The following PCDHGA6 variants were observed in gnomAD, a reference collection of about 807,000 sequenced individuals.
The protein encoded by PCDHGA6 is protocadherin gamma subfamily A, 6, also known as protocadherin gamma-A6.
A neutral mutation model predicts 60.6 loss-of-function variants in PCDHGA6; 41 were observed. That is an observed-to-expected ratio of 0.68 (90% CI 0.53 to 0.88). The LOEUF (loss-of-function observed/expected upper bound fraction) is 0.88. Ranked by LOEUF, PCDHGA6 falls within the 40% of genes least tolerant of loss-of-function variation. The pLI, the probability that PCDHGA6 is intolerant of heterozygous loss-of-function variation, is 0.00. For missense variants in PCDHGA6, 1,312 were observed against 1,203.0 expected (o/e 1.09, Z -1.34); for synonymous variants, 594 against 524.4 (o/e 1.13, Z -1.81).
At chr5:141,389,997 A>T (rs1278035747) in intron 1 of PCDHGA6, 1 of 1,613,962 alleles carries the variant, frequency 6.2e-7, no homozygotes, top group Non-Finnish European at 8.5e-7. Flanking sequence ...CCTCGTGGCC[A>T]TGATTCTGGC....
chr5:141,418,157 A>G, intron 1 of PCDHGA6: 1 of 1,614,074 alleles, frequency 6.2e-7, no homozygotes, highest in Non-Finnish European at 8.5e-7. Context: ...CAAAGAGAGA[A>G]GAAGATGTGA....
In PCDHGA6 at chr5:141,431,463, C is replaced by T. The variant is rs139195027; in HGVS notation, c.2424+54956C>T. Reference sequence around the variant, plus strand: ...CGCATCCGCGTGATGGTTCTGGATGCGAACGACAACGCACCAGCGTTTGCT... The same window carrying T: ...CGCATCCGCGTGATGGTTCTGGATGTGAACGACAACGCACCAGCGTTTGCT... On this transcript the variant is annotated intron_variant, in intron 1 of 3. Transcript: ENST00000517434. The surrounding 1 kb of genome is among the most constrained non-coding windows in gnomAD (Gnocchi z 4.8). The T allele has an allele frequency of 3.5e-3, 5,640 of 1,613,740 alleles. 51 individuals are homozygous for T. Among genetic ancestry groups the T allele is most frequent in the South Asian group, 0.02 (1,825 of 91,088 alleles).
In PCDHGA6 at chr5:141,477,967, C is replaced by A; in HGVS notation, c.2425-16840C>A. The A allele has an allele frequency of 6.2e-7, 1 of 1,614,150 alleles. No individual in the cohort carries two copies. Among genetic ancestry groups the A allele is most frequent in the Non-Finnish European group, 8.5e-7 (1 of 1,180,032 alleles). On this transcript the variant is annotated intron_variant, in intron 1 of 3. Transcript: ENST00000517434. The surrounding 1 kb of genome is among the most constrained non-coding windows in gnomAD (Gnocchi z 4.9). ...GTCTCTTGGGATCCCCTAACCAGAG[C>A]CTTTTTGCCATAGGGCTGCACACTG...
intron 3 of PCDHGA6, among the ~76,000 whole-genome samples, chr5:141,508,937 G>T (rs764041162): frequency 3.0e-4 from 45 of 152,040 alleles, no homozygotes; most frequent in Non-Finnish European, 6.3e-4. Flanking sequence ...AGTTAATTAG[G>T]GAAAACAGAG....
intron 2 of PCDHGA6, among the ~76,000 whole-genome samples, chr5:141,501,223 T>G (rs1247662371): frequency 6.6e-6 from 1 of 151,280 alleles, no homozygotes; most frequent in African/African-American, 2.4e-5. Flanking sequence ...CTTCCTAGAT[T>G]TCTCAGTTTT....
chr5:141,451,209 G>C (rs556588482), intron 1 of PCDHGA6, among the ~76,000 whole-genome samples: 1 of 152,266 alleles, frequency 6.6e-6, no homozygotes, highest in African/African-American at 2.4e-5. Flanking sequence ...CCAAAACTTA[G>C]TGGCTTAAAA....
rs1771592295 is a variant in PCDHGA6, at chr5:141,375,564, A to G, written c.1481A>G (p.Asp494Gly). Residue 494 changes from aspartate (D) to glycine (G), a missense_variant, in exon 1 of 4, where the codon GAC becomes GGC. Coordinates refer to ENST00000517434, the MANE Select transcript of PCDHGA6 (RefSeq NM_018919.3). The part of the protein sequence containing the change: ...NAQVSYSLAE[D>G]TLQGAPLSSY... ...CAAGTCTCCTACTCACTGGCAGAAGACACCCTCCAGGGGGCGCCCCTGTCC... is the reference window on the plus strand; with the variant it reads ...CAAGTCTCCTACTCACTGGCAGAAGGCACCCTCCAGGGGGCGCCCCTGTCC... 1.9e-6 allele frequency: 3 copies of G among 1,613,974 alleles called. No individual in the cohort carries two copies. Among genetic ancestry groups the G allele is most frequent in the African/African-American group, 1.3e-5 (1 of 75,006 alleles).
intron 1 of PCDHGA6, among the ~76,000 whole-genome samples, chr5:141,470,430 T>C (rs994304635): frequency 6.6e-6 from 1 of 152,232 alleles, no homozygotes; most frequent in Non-Finnish European, 1.5e-5. Flanking sequence ...TTTCCTTGTG[T>C]GCAATAATTT....
At chr5:141,387,340 G>A (rs565408747) in intron 1 of PCDHGA6, among the ~76,000 whole-genome samples, 2 of 152,306 alleles carry the variant, frequency 1.3e-5, no homozygotes, top group Non-Finnish European at 2.9e-5. Flanking sequence ...ACTGTACTCT[G>A]AGACGGTTTA....
intron 1 of PCDHGA6, among the ~76,000 whole-genome samples, chr5:141,400,827 C>G (rs1236536713): frequency 2.0e-5 from 3 of 152,178 alleles, no homozygotes; most frequent in Admixed American, 2.0e-4. Flanking sequence ...TTCGTTGTCT[C>G]ATTCTTTAAC....
chr5:141,490,942 C>A lies in PCDHGA6; in HGVS notation c.2425-3865C>A, dbSNP rs371286343. On this transcript the variant is annotated intron_variant, in intron 1 of 3. Coordinates refer to ENST00000517434, the MANE Select transcript of PCDHGA6 (RefSeq NM_018919.3). This position sits in a 1 kb window ranked among gnomAD's most constrained non-coding sequence, Gnocchi z 5.4. ...TAATGCCCCAGCTGTGCTGCACCCA[C>A]GGCCAGACTGGGAACACTCAGCCCC... The A allele has an allele frequency of 3.0e-5, 49 of 1,613,526 alleles. No individual in the cohort carries two copies. The highest frequency in any genetic ancestry group is 4.1e-5 in the Non-Finnish European group (48 of 1,179,768).
intron 1 of PCDHGA6, chr5:141,416,038 G>T: frequency 5.1e-6 from 1 of 196,894 alleles, no homozygotes; most frequent in Non-Finnish European, 1.0e-5. Flanking sequence ...AATCACCTCT[G>T]GAAACACAAC....
At chr5:141,393,051 C>T in intron 1 of PCDHGA6, 1 of 1,613,622 alleles carries the variant, frequency 6.2e-7, no homozygotes, top group Non-Finnish European at 8.5e-7. Context: ...TCTGAACCCG[C>T]GCAGCGGCAG....
chr5:141,461,961 T>C (rs914134151), intron 1 of PCDHGA6, among the ~76,000 whole-genome samples: 3 of 152,192 alleles, frequency 2.0e-5, no homozygotes, highest in African/African-American at 7.2e-5. Context: ...GTAGCTGGGA[T>C]TCCAGGCATA....
intron 1 of PCDHGA6, chr5:141,395,733 T>C (rs567626582): frequency 5.9e-5 from 9 of 153,748 alleles, no homozygotes; most frequent in African/African-American, 2.2e-4. Context: ...TTTCTTCACT[T>C]TAAACCTCTT....
At chr5:141,422,881 T>G in intron 1 of PCDHGA6, 1 of 1,614,214 alleles carries the variant, frequency 6.2e-7, no homozygotes, top group East Asian at 2.2e-5. Flanking sequence ...GCTGAGCCTG[T>G]TCGTGCTGGA....
Position 141,432,911 on chromosome 5 carries a change from C to G in PCDHGA6, c.2424+56404C>G. 5 of 1,614,176 alleles carry G rather than the reference C, an allele frequency of 3.1e-6. No homozygotes were observed. Among genetic ancestry groups the G allele is most frequent in the Non-Finnish European group, 4.2e-6 (5 of 1,180,014 alleles). Reference sequence around the variant, plus strand: ...CTTGCTGCTGGCGCTCAGGCTGCGGCGCTGGCACAAGTCACGCCTGCTGCA... The same window carrying G: ...CTTGCTGCTGGCGCTCAGGCTGCGGGGCTGGCACAAGTCACGCCTGCTGCA... On this transcript the variant is annotated intron_variant, in intron 1 of 3. Transcript: ENST00000517434. This position sits in a 1 kb window ranked among gnomAD's most constrained non-coding sequence, Gnocchi z 6.0.
intron 1 of PCDHGA6, chr5:141,430,973 A>G: frequency 6.2e-7 from 1 of 1,613,266 alleles, no homozygotes; most frequent in East Asian, 2.2e-5. Flanking sequence ...CAGAGGTAGG[A>G]CGCAGCTTTT....
rs764363553 is a variant in PCDHGA6 at position 141,432,120 on chromosome 5, A to C, written c.2424+55613A>C. The C allele has an allele frequency of 1.2e-6, 2 of 1,613,978 alleles. No homozygotes were observed. Among genetic ancestry groups the C allele is most frequent in the African/African-American group, 2.7e-5 (2 of 74,894 alleles). ...AACGACAACCCGCCGGTCTTCCCTC[A>C]GGCCTCCTATTCCGCTTATATCCCA... On this transcript the variant is annotated intron_variant, in intron 1 of 3. Transcript: ENST00000517434. The surrounding 1 kb of genome is among the most constrained non-coding windows in gnomAD (Gnocchi z 6.0).
Sources: allele counts gnomAD v4.1 joint callset (sites outside exome capture counted in the v4.1 genomes callset), GRCh38; gene constraint gnomAD v4.1.1; non-coding constraint Gnocchi (gnomAD v3.1); transcripts MANE v1.5; gene names NCBI Gene and HGNC (gene_info 2026-07-23, HGNC 2026-07-21).